SPIRE1: variants seen among roughly 807,000 people sequenced by gnomAD.
The protein encoded by SPIRE1 is protein spire homolog 1.
SPIRE1 carries 40 observed loss-of-function variants against 94.1 expected under a neutral mutation model. The observed-to-expected ratio is 0.43, with a 90% confidence interval of 0.33 to 0.55. The LOEUF (loss-of-function observed/expected upper bound fraction) is 0.55. SPIRE1 is among the 20% of genes least tolerant of loss of function. SPIRE1 has a pLI of 0.06. For missense variants in SPIRE1, 838 were observed against 975.2 expected, an observed-to-expected ratio of 0.86 and a Z score of 1.87; for synonymous variants, 376 against 371.7, an observed-to-expected ratio of 1.01 and a Z score of -0.13.
At chr18:12,641,183 A>G (rs2144848829) in intron 1 of SPIRE1, among the ~76,000 whole-genome samples, 1 of 152,330 alleles carries the variant, frequency 6.6e-6, no homozygotes, top group East Asian at 1.9e-4. Context: ...ACATTTGACC[A>G]AAACTGATCA....
chr18:12,613,344 G>A (rs1337052662), intron 2 of SPIRE1, among the ~76,000 whole-genome samples: 2 of 152,128 alleles, frequency 1.3e-5, no homozygotes, highest in African/African-American at 4.8e-5. Context: ...CCTTTTACCA[G>A]ACCCTTTGAC....
At chr18:12,614,864 T>G (rs1048675157) in intron 2 of SPIRE1, among the ~76,000 whole-genome samples, 13 of 151,662 alleles carry the variant, frequency 8.6e-5, no homozygotes, top group African/African-American at 3.1e-4. Flanking sequence ...TGTATTACTT[T>G]AAAATTTTAA....
chr18:12,632,539 C>CT (rs1440501990), intron 2 of SPIRE1, among the ~76,000 whole-genome samples: 8 of 151,934 alleles, frequency 5.3e-5, no homozygotes, highest in Admixed American at 2.6e-4. Flanking sequence ...TACACAGATA[C>CT]TTTTTTTTAA....
At position 12,478,400 on chromosome 18, in the gene SPIRE1, G is replaced by A. The variant is rs1341859204; in HGVS notation, c.1404+1299C>T. 4.6e-5 allele frequency among the ~76,000 whole-genome samples: 7 copies of A among 151,698 alleles called. No individual in the cohort carries two copies. In the South Asian group the frequency reaches 1.0e-3, roughly 23 times the overall value. ...AGAGTGTGTGTGTGCGCATGTGCGC[G>A]TGTAGCTAGGGTGTGTGTGTGAAGC... On this transcript the variant is annotated intron_variant, in intron 10 of 16. Transcript: ENST00000409402.
Position 12,464,865 on chromosome 18 carries a change from C to T in SPIRE1, c.1495+3G>A, listed in dbSNP as rs2032022621. 1 of 1,611,368 alleles carries T rather than the reference C, an allele frequency of 6.2e-7. No individual in the cohort carries two copies. Among genetic ancestry groups the T allele is most frequent in the Non-Finnish European group, 8.5e-7 (1 of 1,177,588 alleles). On this transcript the variant is annotated splice_donor_region_variant and intron_variant, in intron 11 of 16. Transcript: ENST00000409402. ...TACAGCTCTTAGCACCACAACTACT[C>T]ACTCTTCCTTGTGGACACGGCCTCC...
At chr18:12,650,401 C>T (rs930999418) in intron 1 of SPIRE1, among the ~76,000 whole-genome samples, 6 of 152,068 alleles carry the variant, frequency 3.9e-5, no homozygotes, top group South Asian at 4.2e-4. Flanking sequence ...CTCTAAAAAA[C>T]GATATAAAAA....
At chr18:12,450,423 A>G in intron 16 of SPIRE1, 1 of 445,698 alleles carries the variant, frequency 2.2e-6, no homozygotes, top group Non-Finnish European at 4.0e-6. Context: ...GGCACTGCCC[A>G]GACTATCGAA....
chr18:12,511,870 A>G (rs1174291727), intron 5 of SPIRE1, among the ~76,000 whole-genome samples: 1 of 151,882 alleles, frequency 6.6e-6, no homozygotes, highest in African/African-American at 2.4e-5. Context: ...AACCACAGGC[A>G]CATGCCACCA....
At chr18:12,451,039 G>A in intron 16 of SPIRE1, 1 of 497,672 alleles carries the variant, frequency 2.0e-6, no homozygotes, top group South Asian at 2.2e-5. Context: ...AGGAGGAGGA[G>A]GAGGAGGAGG....
At chr18:12,525,317 T>TAAC (rs1412862975) in intron 4 of SPIRE1, among the ~76,000 whole-genome samples, 1 of 136,700 alleles carries the variant, frequency 7.3e-6, no homozygotes, top group Non-Finnish European at 1.6e-5. Context: ...ATAATAATAA[T>TAAC]AACAAAGGCT....
intron 4 of SPIRE1, among the ~76,000 whole-genome samples, chr18:12,520,751 T>C (rs1438479690): frequency 6.6e-6 from 1 of 152,108 alleles, no homozygotes; most frequent in East Asian, 1.9e-4. Context: ...GAAAGAAACT[T>C]CCAGCCAACT....
chr18:12,493,079 G>A lies in SPIRE1; in HGVS notation c.1182C>T (p.Ser394=). ...RPVSPEEIRR[S]RLAMRPLSMS... is the part of the protein sequence containing the mutation. ...AGGAAGCAGTGGACTCACCTAATCT[G>A]CTACGTCTAATCTCCTCTGGTGATA... The change falls in exon 8 of 17, where the codon AGC becomes AGT. Residue 394 remains serine (S), a synonymous_variant. Transcript: ENST00000409402. 1 of 1,610,866 alleles carries A rather than the reference G, an allele frequency of 6.2e-7. No homozygotes were observed. Among genetic ancestry groups the A allele is most frequent in the Non-Finnish European group, 8.5e-7 (1 of 1,179,304 alleles).
Position 12,449,306 on chromosome 18 carries a change from T to C in SPIRE1, c.*332A>G. 1 of 282,932 alleles carries C rather than the reference T, an allele frequency of 3.5e-6. No homozygotes were observed. The highest frequency in any genetic ancestry group is 1.3e-3 in the Middle Eastern group (1 of 798). The allele number at this position is 282,932 out of a possible 1,614,324, so 17.5% of individuals were successfully genotyped here. A position where few individuals can be genotyped will look rare whatever the true frequency, so the allele number is the denominator to read the frequency against. ...ACTGATTCTCGTAGGAGAAGCTTTT[T>C]TTTTTTGCCTTAGTCAGGAGATTAT... On this transcript the variant is annotated 3_prime_UTR_variant, in exon 17 of 17. Coordinates refer to ENST00000409402, the MANE Select transcript of SPIRE1 (RefSeq NM_001128626.2).
At chr18:12,627,615 G>C (rs962811860) in intron 2 of SPIRE1, among the ~76,000 whole-genome samples, 2 of 152,058 alleles carry the variant, frequency 1.3e-5, no homozygotes, top group African/African-American at 4.8e-5. Context: ...TCTAGTTCTC[G>C]ATCCTTGAAT....
chr18:12,452,464 A>C, intron 15 of SPIRE1, 21 bp downstream of exon 15: 3 of 1,614,036 alleles, frequency 1.9e-6, no homozygotes, highest in Non-Finnish European at 2.5e-6. Context: ...CACAAGTATA[A>C]ATGAACCAAG....
chr18:12,461,440 A>ATATGTACG (rs1393895567), intron 12 of SPIRE1, among the ~76,000 whole-genome samples: 1 of 119,304 alleles, frequency 8.4e-6, no homozygotes, highest in Admixed American at 8.1e-5. Context: ...ATGTATGTAT[A>ATATGTACG]TACATACATG....
chr18:12,540,329 G>A (rs749356540), intron 3 of SPIRE1, among the ~76,000 whole-genome samples: 8 of 151,970 alleles, frequency 5.3e-5, no homozygotes, highest in Non-Finnish European at 1.0e-4. Context: ...TGCTCAGAAC[G>A]TCTTCCCTGT....
intron 2 of SPIRE1, among the ~76,000 whole-genome samples, chr18:12,608,549 G>T (rs140156970): frequency 6.6e-6 from 1 of 152,004 alleles, no homozygotes; most frequent in East Asian, 1.9e-4. Flanking sequence ...TTTGGAAAAG[G>T]TCCCAGAAGT....
chr18:12,466,539 C>G (rs1568187677), intron 10 of SPIRE1, among the ~76,000 whole-genome samples: 1 of 152,048 alleles, frequency 6.6e-6, no homozygotes, highest in Non-Finnish European at 1.5e-5. Flanking sequence ...CTCAGCCTCC[C>G]AAAGTGCTGG....
Sources: allele counts gnomAD v4.1 joint callset (sites outside exome capture counted in the v4.1 genomes callset), GRCh38; gene constraint gnomAD v4.1.1; transcripts MANE v1.5; gene names NCBI Gene and HGNC (gene_info 2026-07-23, HGNC 2026-07-21).